PBRM1: variants seen among roughly 807,000 people sequenced by gnomAD.
The protein encoded by PBRM1 is polybromo 1, also known as protein polybromo-1.
Under a neutral mutation model 194.5 loss-of-function variants are expected in PBRM1, and 27 were observed. That is an observed-to-expected ratio of 0.14 (90% CI 0.10 to 0.19). The LOEUF (loss-of-function observed/expected upper bound fraction) is 0.19. Among genes scored for constraint, PBRM1 ranks in the 10% least tolerant of loss-of-function variants. The pLI is 1.00. For synonymous variants in PBRM1, 655 were observed against 693.2 expected (o/e 0.94, Z 0.87); for missense variants, 1,466 against 2,077.2 (o/e 0.71, Z 5.72).
At chr3:52,611,660 C>A (rs1004735645) in intron 15 of PBRM1, among the ~76,000 whole-genome samples, 1 of 151,868 alleles carries the variant, frequency 6.6e-6, no homozygotes, top group African/African-American at 2.4e-5. Flanking sequence ...AAAAAATGAG[C>A]TGGACGTGGT....
chr3:52,653,886 G>C (rs1216958460), intron 5 of PBRM1, among the ~76,000 whole-genome samples: 1 of 152,174 alleles, frequency 6.6e-6, no homozygotes. Context: ...CTCCAGCCTG[G>C]GTGACAGAGC....
intron 2 of PBRM1, among the ~76,000 whole-genome samples, chr3:52,669,175 GCT>G (rs2096899945): frequency 6.6e-6 from 1 of 152,018 alleles, no homozygotes; most frequent in African/African-American, 2.4e-5. Context: ...TGAGCCCTTG[GCT>G]TACGTAGCTT....
chr3:52,623,104 C>T (rs2095334697), intron 13 of PBRM1, among the ~76,000 whole-genome samples: 1 of 152,206 alleles, frequency 6.6e-6, no homozygotes, highest in African/African-American at 2.4e-5. Context: ...AATCACCATG[C>T]TGCTTTTATG....
intron 15 of PBRM1, among the ~76,000 whole-genome samples, chr3:52,614,159 G>C (rs2094811515): frequency 6.6e-6 from 1 of 151,972 alleles, no homozygotes; most frequent in Non-Finnish European, 1.5e-5. Flanking sequence ...AATCACTTGA[G>C]GTCAGGAGTT....
At chr3:52,581,804 ATTTT>A (rs2153709362) in intron 20 of PBRM1, among the ~76,000 whole-genome samples, 1 of 151,888 alleles carries the variant, frequency 6.6e-6, no homozygotes, top group South Asian at 2.1e-4. Flanking sequence ...CGCCTGGCTA[ATTTT>A]TGTATTTTTA....
chr3:52,637,023 T>C (rs2095849852), intron 10 of PBRM1, among the ~76,000 whole-genome samples: 1 of 152,046 alleles, frequency 6.6e-6, no homozygotes, highest in Non-Finnish European at 1.5e-5. Flanking sequence ...CATAAAGCAG[T>C]TGAAGGGGAT....
chr3:52,657,761 C>T (rs933328922), intron 5 of PBRM1, among the ~76,000 whole-genome samples: 6 of 150,014 alleles, frequency 4.0e-5, no homozygotes, highest in East Asian at 2.0e-4. Context: ...TGAGCCACTG[C>T]GCCTGGCCCA....
At chr3:52,630,484 C>T (rs749395066) in intron 11 of PBRM1, among the ~76,000 whole-genome samples, 1 of 152,198 alleles carries the variant, frequency 6.6e-6, no homozygotes, top group African/African-American at 2.4e-5. Context: ...CCACATATGA[C>T]TAGTGTCTAT....
intron 6 of PBRM1, among the ~76,000 whole-genome samples, chr3:52,650,887 C>T (rs923150466): frequency 6.6e-6 from 1 of 152,138 alleles, no homozygotes; most frequent in Admixed American, 6.6e-5. Flanking sequence ...CTTTCCCTTA[C>T]TTCTAATAAT....
intron 2 of PBRM1, 96 bp from the exon 4 acceptor site, chr3:52,668,741 G>T: frequency 2.0e-6 from 1 of 509,414 alleles, no homozygotes; most frequent in Non-Finnish European, 3.1e-6. Context: ...CATTCCAAGT[G>T]ACAGAGCATA....
intron 17 of PBRM1, among the ~76,000 whole-genome samples, chr3:52,600,735 TTAAAGG>T (rs1228626086): frequency 6.6e-6 from 1 of 152,098 alleles, no homozygotes; most frequent in Non-Finnish European, 1.5e-5. Context: ...ACCTCCTGGG[TTAAAGG>T]TATTCTTCTG....
intron 10 of PBRM1, 118 bp from the exon 12 acceptor site, chr3:52,634,933 C>T (rs140089079): frequency 2.7e-6 from 2 of 746,954 alleles, no homozygotes; most frequent in African/African-American, 1.8e-5. Flanking sequence ...ACTATTATTA[C>T]TATTATTTTT....
chr3:52,590,805 C>T (rs554705037), intron 17 of PBRM1, among the ~76,000 whole-genome samples: 115 of 152,234 alleles, frequency 7.6e-4, no homozygotes, highest in Non-Finnish European at 1.5e-3. Flanking sequence ...TGAAGAATGT[C>T]ATTGGTAATT....
chr3:52,625,428 T>G (rs1159005122), intron 13 of PBRM1, among the ~76,000 whole-genome samples: 2 of 152,184 alleles, frequency 1.3e-5, no homozygotes, highest in East Asian at 3.8e-4. Flanking sequence ...AAACTCAGAT[T>G]CTTTTATTTT....
At chr3:52,588,991 A>G in intron 18 of PBRM1, 79 bp downstream of exon 20, 1 of 1,002,540 alleles carries the variant, frequency 1.0e-6, no homozygotes, top group Admixed American at 2.0e-5. Flanking sequence ...TCTGAGTTAA[A>G]ATTTTCTTCC....
chr3:52,681,578 T>G, upstream of PBRM1: 1 of 219,734 alleles, frequency 4.6e-6, no homozygotes, highest in Non-Finnish European at 8.0e-6. Flanking sequence ...ACAAGTGAAT[T>G]TGATGAACAT....
intron 17 of PBRM1, among the ~76,000 whole-genome samples, chr3:52,598,256 T>TAAC (rs1276873431): frequency 6.6e-6 from 1 of 152,220 alleles, no homozygotes; most frequent in Admixed American, 6.5e-5. Flanking sequence ...GGCAATAACT[T>TAAC]AGTGTTGTGC....
chr3:52,636,276 T>C (rs916990433), intron 10 of PBRM1, among the ~76,000 whole-genome samples: 17 of 152,170 alleles, frequency 1.1e-4, no homozygotes, highest in South Asian at 8.3e-4. Flanking sequence ...AGGGAATTTT[T>C]AGGTAGAAGC....
intron 4 of PBRM1, among the ~76,000 whole-genome samples, chr3:52,659,974 G>A (rs1287076471): frequency 6.6e-6 from 1 of 152,126 alleles, no homozygotes; most frequent in Non-Finnish European, 1.5e-5. Context: ...ATCTGCAATC[G>A]CAGCTACTCA....
Sources: gnomAD v4.1 joint callset for allele counts (sites outside exome capture counted in the v4.1 genomes callset) on GRCh38, gnomAD v4.1.1 for gene constraint, MANE v1.5 for transcripts, NCBI Gene and HGNC (gene_info 2026-07-23, HGNC 2026-07-21) for gene names.